The following DPYD variants were observed in gnomAD, a reference collection of about 807,000 sequenced individuals.
The protein encoded by DPYD is dihydropyrimidine dehydrogenase [NADP(+)].
Under a neutral mutation model 116.2 loss-of-function variants are expected in DPYD, and 109 were observed. The observed-to-expected ratio is 0.94, with a 90% confidence interval of 0.80 to 1.10. The LOEUF (loss-of-function observed/expected upper bound fraction) is 1.10, where lower values mean the gene tolerates loss of function less well. Among genes scored for constraint, DPYD ranks in the 50% least tolerant of loss-of-function variants. The pLI is 0.00. For synonymous variants in DPYD, 440 were observed against 432.0 expected, an observed-to-expected ratio of 1.02 and a Z score of -0.23; for missense variants, 1,302 against 1,254.5, an observed-to-expected ratio of 1.04 and a Z score of -0.57.
At chr1:97,663,564 G>A (rs1203101263) in intron 8 of DPYD, among the ~76,000 whole-genome samples, 3 of 152,214 alleles carry the variant, frequency 2.0e-5, no homozygotes, top group Middle Eastern at 3.4e-3. Context: ...AAATCACCCA[G>A]TGCTGGTCTT....
chr1:97,654,931 A>C (rs1658814451), intron 8 of DPYD, among the ~76,000 whole-genome samples: 1 of 152,104 alleles, frequency 6.6e-6, no homozygotes, highest in Non-Finnish European at 1.5e-5. Flanking sequence ...AATGAGAACA[A>C]AGAGAAAAGG....
At chr1:97,341,507 G>A (rs1333108785) in intron 16 of DPYD, among the ~76,000 whole-genome samples, 1 of 152,104 alleles carries the variant, frequency 6.6e-6, no homozygotes, top group Non-Finnish European at 1.5e-5. Flanking sequence ...ATCTCTCTAA[G>A]TTCTTTTACT....
At chr1:97,759,433 T>C (rs1448411748) in intron 3 of DPYD, among the ~76,000 whole-genome samples, 1 of 152,156 alleles carries the variant, frequency 6.6e-6, no homozygotes, top group Non-Finnish European at 1.5e-5. Context: ...AACAAATTTA[T>C]CCATATGGCT....
At chr1:97,524,865 T>A (rs190158879) in intron 12 of DPYD, among the ~76,000 whole-genome samples, 21 of 152,318 alleles carry the variant, frequency 1.4e-4, no homozygotes, top group African/African-American at 4.6e-4. Flanking sequence ...ATTTTAAACT[T>A]ATTACACTTG....
chr1:97,360,861 C>T (rs56329742), intron 16 of DPYD, among the ~76,000 whole-genome samples: 8,244 of 151,868 alleles, frequency 0.054, 314 homozygotes, highest in East Asian at 0.17. Context: ...AGGAAAGATC[C>T]AAAACTGACA....
intron 8 of DPYD, among the ~76,000 whole-genome samples, chr1:97,603,773 T>C (rs1655409051): frequency 6.6e-6 from 1 of 152,118 alleles, no homozygotes; most frequent in South Asian, 2.1e-4. Flanking sequence ...TCTAGCAAAT[T>C]ATACAATCAT....
At position 97,078,587 on chromosome 1, in the gene DPYD, A is replaced by G; in HGVS notation, c.*389T>C. 1 of 252,354 alleles carries G rather than the reference A, an allele frequency of 4.0e-6. No homozygotes were observed. The highest frequency in any genetic ancestry group is 7.8e-6 in the Non-Finnish European group (1 of 127,996). 15.6% of individuals were successfully genotyped at this position (252,354 alleles called of 1,614,324 possible). A position where few individuals can be genotyped will look rare whatever the true frequency, so the allele number is the denominator to read the frequency against. Reference sequence around the variant, plus strand: ...TACATTTTCTTGTATGTTAAAGAGTACTTTGTTTCAAAATGCTTAATTTCA... The same window carrying G: ...TACATTTTCTTGTATGTTAAAGAGTGCTTTGTTTCAAAATGCTTAATTTCA... On this transcript the variant is annotated 3_prime_UTR_variant, in exon 23 of 23. Coordinates refer to ENST00000370192, the MANE Select transcript of DPYD (RefSeq NM_000110.4).
intron 18 of DPYD, among the ~76,000 whole-genome samples, chr1:97,275,781 CA>C (rs1225478240): frequency 6.6e-6 from 1 of 152,088 alleles, no homozygotes; most frequent in Admixed American, 6.6e-5. Context: ...AATCTTCCTT[CA>C]GTTCTTTTCC....
At chr1:97,700,362 C>T (rs1217796409) in intron 5 of DPYD, 1 of 441,738 alleles carries the variant, frequency 2.3e-6, no homozygotes, top group Admixed American at 2.5e-5. Flanking sequence ...ATGACAAAAA[C>T]CTAAAGATCT....
rs545148626 is a variant in DPYD at position 97,816,794 on chromosome 1, C to G, written c.233+11320G>C. Among the ~76,000 whole-genome samples, 25 of 152,182 alleles carry G rather than the reference C, an allele frequency of 1.6e-4. No individual in the cohort carries two copies. The South Asian group carries it at 5.2e-3, about 32-fold the overall frequency. ...GTTTAATTCCTAATCACACTAATTACTTGAAAGAGTAATCCAGGAAATGTG... is the reference window on the plus strand; with the variant it reads ...GTTTAATTCCTAATCACACTAATTAGTTGAAAGAGTAATCCAGGAAATGTG... On this transcript the variant is annotated intron_variant, in intron 3 of 22. Transcript: ENST00000370192.
intron 18 of DPYD, among the ~76,000 whole-genome samples, chr1:97,256,348 G>A (rs1186783710): frequency 6.6e-6 from 1 of 151,736 alleles, no homozygotes; most frequent in East Asian, 1.9e-4. Context: ...GTTTGGCTGT[G>A]TCCCCCCTCA....
intron 18 of DPYD, among the ~76,000 whole-genome samples, chr1:97,257,692 T>G (rs1663594650): frequency 6.6e-6 from 1 of 151,954 alleles, no homozygotes; most frequent in African/African-American, 2.4e-5. Context: ...TTATACAAAT[T>G]TAAACTAGAC....
chr1:97,743,718 G>A (rs1477289449), intron 3 of DPYD, among the ~76,000 whole-genome samples: 2 of 152,052 alleles, frequency 1.3e-5, no homozygotes, highest in Non-Finnish European at 2.9e-5. Context: ...CACAGACACA[G>A]TACTTAGGGG....
chr1:97,786,096 AG>A (rs1667007340), intron 3 of DPYD, among the ~76,000 whole-genome samples: 1 of 151,864 alleles, frequency 6.6e-6, no homozygotes, highest in African/African-American at 2.4e-5. Context: ...AAGAAAGAAA[AG>A]GGATTCAACT....
In DPYD at chr1:97,691,773, G is replaced by C; in HGVS notation, c.706C>G (p.Leu236Val). 1.2e-6 allele frequency: 2 copies of C among 1,613,576 alleles called. No individual in the cohort carries two copies. Among genetic ancestry groups the C allele is most frequent in the Non-Finnish European group, 1.7e-6 (2 of 1,179,784 alleles). Residue 236 changes from leucine (L) to valine (V), a missense_variant, in exon 7 of 23, where the codon CTG (leucine) becomes GTG (valine). Physicochemically the swap from Leu to Val is conservative, Grantham distance 32. Coordinates refer to ENST00000370192, the MANE Select transcript of DPYD (RefSeq NM_000110.4). ...LSTSEIPQFRLPYDVVNFEIE... is the reference protein window; with the variant it reads ...LSTSEIPQFRVPYDVVNFEIE... ...TCAAAATTCACTACATCATACGGCA[G>C]CCGGAACTGAGGAATTTCAGAAGTA...
At chr1:97,825,473 C>T (rs1029607398) in intron 3 of DPYD, among the ~76,000 whole-genome samples, 5 of 152,152 alleles carry the variant, frequency 3.3e-5, no homozygotes, top group Middle Eastern at 3.4e-3. Context: ...AAGAACACCA[C>T]TGTGGGGACC....
chr1:97,583,988 C>T (rs1305504812), intron 10 of DPYD, among the ~76,000 whole-genome samples: 1 of 152,160 alleles, frequency 6.6e-6, no homozygotes, highest in Non-Finnish European at 1.5e-5. Flanking sequence ...GGAATAGCCA[C>T]ACTGACTTTC....
At chr1:97,127,493 A>T (rs1652938772) in intron 20 of DPYD, among the ~76,000 whole-genome samples, 1 of 152,134 alleles carries the variant, frequency 6.6e-6, no homozygotes, top group Admixed American at 6.6e-5. Context: ...GAAGCTACAG[A>T]AACCCCTCGT....
intron 8 of DPYD, among the ~76,000 whole-genome samples, chr1:97,629,762 G>A (rs527756521): frequency 2.3e-4 from 35 of 151,964 alleles, no homozygotes; most frequent in African/African-American, 8.0e-4. Flanking sequence ...CAAATTCTAC[G>A]AGTGGATTTT....
Sources: gnomAD v4.1 joint callset for allele counts (sites outside exome capture counted in the v4.1 genomes callset) on GRCh38, gnomAD v4.1.1 for gene constraint, MANE v1.5 for transcripts, NCBI Gene and HGNC (gene_info 2026-07-23, HGNC 2026-07-21) for gene names.